Variants in ZBTB7C observed in about 807,000 individuals in gnomAD.
ZBTB7C encodes the protein zinc finger and BTB domain-containing protein 7C.
In ZBTB7C, 8 loss-of-function variants were observed where a neutral mutation model predicts 25.7. The ratio of observed to expected loss-of-function variants is 0.31; its 90% CI spans 0.18 to 0.56. The LOEUF (loss-of-function observed/expected upper bound fraction) is 0.56. ZBTB7C is among the 20% of genes least tolerant of loss of function. ZBTB7C has a pLI of 0.91. For missense variants in ZBTB7C, 824 were observed against 855.2 expected, an observed-to-expected ratio of 0.96 and a Z score of 0.46; for synonymous variants, 394 against 369.0, an observed-to-expected ratio of 1.07 and a Z score of -0.78.
chr18:48,028,685 G>C lies in ZBTB7C; in HGVS notation c.*575C>G, dbSNP rs936433950. 1 of 154,020 alleles carries C rather than the reference G, an allele frequency of 6.5e-6. No individual in the cohort carries two copies. The allele number at this position is 154,020 out of a possible 1,614,324, so 9.5% of individuals were successfully genotyped here. A position where few individuals can be genotyped will look rare whatever the true frequency, so the allele number is the denominator to read the frequency against. On this transcript the variant is annotated 3_prime_UTR_variant, in exon 5 of 5. Transcript: ENST00000590800. ...GGACAGGTCAGGGAAGAAATGGCCC[G>C]GGCCTTCCAGAGCCTGGTTCCTGAC...
At position 48,223,335 on chromosome 18, in the gene ZBTB7C, T is replaced by C. The variant is rs2043006843; in HGVS notation, c.-78-37340A>G. 2.0e-5 allele frequency among the ~76,000 whole-genome samples: 3 copies of C among 152,152 alleles called. No individual in the cohort carries two copies. In the South Asian group the frequency reaches 6.2e-4, roughly 32 times the overall value. Reference sequence around the variant, plus strand: ...ATTCCCCCCATACCCCTTATTCTAATTGTCATATTCTAGAAACATATCCTG... The same window carrying C: ...ATTCCCCCCATACCCCTTATTCTAACTGTCATATTCTAGAAACATATCCTG... On this transcript the variant is annotated intron_variant, in intron 2 of 4. Transcript: ENST00000590800.
chr18:48,247,098 A>G (rs1206130782), intron 2 of ZBTB7C, among the ~76,000 whole-genome samples: 1 of 152,250 alleles, frequency 6.6e-6, no homozygotes, highest in African/African-American at 2.4e-5. Context: ...ATTTTAGTGC[A>G]TACTTGACAG....
At chr18:48,232,661 T>C (rs112939539) in intron 2 of ZBTB7C, among the ~76,000 whole-genome samples, 1 of 152,182 alleles carries the variant, frequency 6.6e-6, no homozygotes, top group Non-Finnish European at 1.5e-5. Flanking sequence ...TTTGCAGTAA[T>C]TGAAAGACAT....
intron 2 of ZBTB7C, among the ~76,000 whole-genome samples, chr18:48,290,066 T>A (rs1485095581): frequency 2.0e-5 from 3 of 152,204 alleles, no homozygotes; most frequent in Non-Finnish European, 4.4e-5. Flanking sequence ...GCTAGCACCT[T>A]CTTTATAGGG....
At chr18:48,094,842 G>A (rs1386569091) in intron 3 of ZBTB7C, among the ~76,000 whole-genome samples, 1 of 152,036 alleles carries the variant, frequency 6.6e-6, no homozygotes, top group African/African-American at 2.4e-5. Flanking sequence ...ACTTTGAAAC[G>A]AAAAAGGGAG....
intron 1 of ZBTB7C, among the ~76,000 whole-genome samples, chr18:48,371,326 G>A (rs917859962): frequency 1.4e-4 from 22 of 152,142 alleles, no homozygotes; most frequent in African/African-American, 5.3e-4. Flanking sequence ...ATGATATTTT[G>A]TTTCCATCCT....
chr18:48,051,420 C>T lies in ZBTB7C; in HGVS notation c.-16-10297G>A, dbSNP rs537628265. 2.6e-5 allele frequency among the ~76,000 whole-genome samples: 4 copies of T among 152,312 alleles called. No homozygotes were observed. In the South Asian group the frequency reaches 8.3e-4, roughly 32 times the overall value. ...CGTCTATGTAGAGGCTGCCTGAGGC[C>T]TCTGGGGCAATCTGAAGTGGATGTG... is the stretch of plus-strand genomic sequence containing the variant. On this transcript the variant is annotated intron_variant, in intron 3 of 4. Coordinates refer to ENST00000590800, the MANE Select transcript of ZBTB7C (RefSeq NM_001318841.2).
intron 2 of ZBTB7C, among the ~76,000 whole-genome samples, chr18:48,328,039 G>A (rs1025746764): frequency 7.9e-5 from 12 of 151,956 alleles, no homozygotes; most frequent in Non-Finnish European, 1.8e-4. Context: ...AAAATTAGCC[G>A]GGCGTGGTGG....
chr18:48,141,159 T>G (rs2040338339), intron 3 of ZBTB7C, among the ~76,000 whole-genome samples: 7 of 69,870 alleles, frequency 1.0e-4, no homozygotes, highest in East Asian at 4.2e-4. Context: ...CCCCCCACTG[T>G]TCCTTCTCCT....
intron 1 of ZBTB7C, among the ~76,000 whole-genome samples, chr18:48,361,962 C>T (rs1289007366): frequency 1.3e-5 from 2 of 152,174 alleles, no homozygotes; most frequent in Non-Finnish European, 2.9e-5. Flanking sequence ...GTAACTCCAG[C>T]GTTACCTGCC....
chr18:48,293,738 C>T (rs1598801769), intron 2 of ZBTB7C, among the ~76,000 whole-genome samples: 1 of 152,152 alleles, frequency 6.6e-6, no homozygotes, highest in Non-Finnish European at 1.5e-5. Context: ...CTCTAGTAGT[C>T]TCAGTCACTT....
At chr18:48,244,068 A>C (rs181898675) in intron 2 of ZBTB7C, among the ~76,000 whole-genome samples, 1 of 152,308 alleles carries the variant, frequency 6.6e-6, no homozygotes. Flanking sequence ...AAACTGTAAA[A>C]ATTCTAGAAG....
chr18:48,373,131 C>T (rs2047426823), intron 1 of ZBTB7C, among the ~76,000 whole-genome samples: 1 of 152,150 alleles, frequency 6.6e-6, no homozygotes, highest in African/African-American at 2.4e-5. Context: ...TATTTGTCCC[C>T]ATCCAAATCT....
intron 3 of ZBTB7C, among the ~76,000 whole-genome samples, chr18:48,173,269 G>A (rs1012597670): frequency 3.3e-5 from 5 of 152,112 alleles, no homozygotes; most frequent in Admixed American, 1.3e-4. Flanking sequence ...CAGGCCCCAC[G>A]CCAACTGAAA....
intron 3 of ZBTB7C, among the ~76,000 whole-genome samples, chr18:48,123,910 TATGTTCG>T (rs2039712945): frequency 6.6e-6 from 1 of 152,218 alleles, no homozygotes; most frequent in Non-Finnish European, 1.5e-5. Context: ...TCTCATATTT[TATGTTCG>T]ATGTTCAGCT....
chr18:48,029,379 T>G lies in ZBTB7C; in HGVS notation c.1741A>C (p.Asn581His), dbSNP rs756387229. Reference sequence around the variant, plus strand: ...AAGTAGGGCCGCGCCGCCGCCACGTTCTCGGCCAGCGCGAAGGCCAGGAGG... The same window carrying G: ...AAGTAGGGCCGCGCCGCCGCCACGTGCTCGGCCAGCGCGAAGGCCAGGAGG... Reference protein sequence around the residue: ...GGLLAFALAENVAAARPYFPL... With the variant: ...GGLLAFALAEHVAAARPYFPL... Residue 581 changes from asparagine (N) to histidine (H), a missense_variant, in exon 5 of 5, where the codon AAC becomes CAC. Physicochemically the swap from Asn to His is moderately conservative, Grantham distance 68. This residue lies in a region of ZBTB7C where 342 missense variants were observed against 307.0 expected (regional missense o/e 1.11). Transcript: ENST00000590800. The G allele has an allele frequency of 6.4e-7, 1 of 1,556,228 alleles. No homozygotes were observed. Among genetic ancestry groups the G allele is most frequent in the Non-Finnish European group, 8.7e-7 (1 of 1,154,976 alleles).
intron 2 of ZBTB7C, among the ~76,000 whole-genome samples, chr18:48,186,939 G>A (rs1271821116): frequency 6.6e-6 from 1 of 152,224 alleles, no homozygotes; most frequent in Non-Finnish European, 1.5e-5. Flanking sequence ...CATGACTGAT[G>A]CACTTCAGGA....
chr18:48,310,529 G>T (rs1288075189), intron 2 of ZBTB7C, among the ~76,000 whole-genome samples: 3 of 152,148 alleles, frequency 2.0e-5, no homozygotes, highest in Non-Finnish European at 2.9e-5. Context: ...GCCAGTGAGA[G>T]AAAGACTTTT....
intron 1 of ZBTB7C, among the ~76,000 whole-genome samples, chr18:48,338,876 C>G (rs74489953): frequency 0.032 from 4,801 of 151,336 alleles, 98 homozygotes; most frequent in South Asian, 0.098. Context: ...TATCCCAGAT[C>G]TCCCAAGCAA....
Sources: allele counts gnomAD v4.1 joint callset (sites outside exome capture counted in the v4.1 genomes callset), GRCh38; gene constraint gnomAD v4.1.1; regional missense constraint gnomAD v4.1.1; transcripts MANE v1.5; gene names NCBI Gene and HGNC (gene_info 2026-07-23, HGNC 2026-07-21).